Variants in WIPI2 observed in about 807,000 individuals in gnomAD.
The protein encoded by WIPI2 is WD repeat domain phosphoinositide-interacting protein 2.
In WIPI2, 28 loss-of-function variants were observed where a neutral mutation model predicts 52.3. The observed-to-expected ratio is 0.54, with a 90% CI of 0.40 to 0.73. The LOEUF is 0.73. Ranked by LOEUF, WIPI2 falls within the 30% of genes least tolerant of loss-of-function variation. The probability of loss-of-function intolerance (pLI) is 0.00; values close to 1 mark genes in which losing one functional copy is unlikely to be tolerated. For synonymous variants in WIPI2, 268 were observed against 245.0 expected, an observed-to-expected ratio of 1.09 and a Z score of -0.88; for missense variants, 506 against 602.9, an observed-to-expected ratio of 0.84 and a Z score of 1.68.
In WIPI2 at chr7:5,199,673, T is replaced by C; in HGVS notation, c.211+15T>C. On this transcript the variant is annotated intron_variant, in intron 3 of 12. Coordinates refer to ENST00000288828, the MANE Select transcript of WIPI2 (RefSeq NM_015610.4). Reference sequence around the variant, plus strand: ...CTATGAATGCAGTAAGTGTTTGCTTTATTTTTCCCCTTCTTAAAAAAAAAA... The same window carrying C: ...CTATGAATGCAGTAAGTGTTTGCTTCATTTTTCCCCTTCTTAAAAAAAAAA... 1 of 1,569,854 alleles carries C rather than the reference T, an allele frequency of 6.4e-7. No individual in the cohort carries two copies. The highest frequency in any genetic ancestry group is 8.6e-7 in the Non-Finnish European group (1 of 1,166,600).
At chr7:5,228,278 G>T in intron 11 of WIPI2, 67 bp downstream of exon 11, 1 of 1,407,904 alleles carries the variant, frequency 7.1e-7, no homozygotes, top group East Asian at 2.5e-5. Context: ...GGCACCTGGC[G>T]AACGTTTGTT....
At chr7:5,217,842 C>T (rs1782898832) in intron 6 of WIPI2, 80 bp from the exon 7 acceptor site, 1 of 1,376,628 alleles carries the variant, frequency 7.3e-7, no homozygotes, top group African/African-American at 1.4e-5. Flanking sequence ...AGCTAATTGG[C>T]ACTTGCGGAC....
intron 3 of WIPI2, 149 bp from the exon 4 acceptor site, chr7:5,214,386 C>A: frequency 5.0e-6 from 8 of 1,605,140 alleles, no homozygotes; most frequent in Non-Finnish European, 6.8e-6. Flanking sequence ...CCCGGGCTGT[C>A]CCCACCCCAT....
intron 3 of WIPI2, among the ~76,000 whole-genome samples, chr7:5,211,037 C>T (rs1033053384): frequency 2.6e-5 from 4 of 152,312 alleles, no homozygotes; most frequent in Middle Eastern, 3.4e-3. Context: ...AAATCAACAA[C>T]AAGCACAAAA....
At position 5,190,366 on chromosome 7, in the gene WIPI2, C is replaced by G. The variant is rs977828795; in HGVS notation, c.-54C>G. 4 of 1,277,932 alleles carry G rather than the reference C, an allele frequency of 3.1e-6. No homozygotes were observed. Among genetic ancestry groups the G allele is most frequent in the African/African-American group, 1.6e-5 (1 of 63,370 alleles). The allele number at this position is 1,277,932 out of a possible 1,614,324, so 79.2% of individuals were successfully genotyped here. On this transcript the variant is annotated 5_prime_UTR_variant, in exon 1 of 13. Transcript: ENST00000288828. ...GCGCCGACCCTGAGTGCAGCCTGACCCGCCCTCGCGCGCGCGCCCTCCCCG... is the reference window on the plus strand; with the variant it reads ...GCGCCGACCCTGAGTGCAGCCTGACGCGCCCTCGCGCGCGCGCCCTCCCCG...
intron 3 of WIPI2, among the ~76,000 whole-genome samples, chr7:5,202,852 A>G (rs1379500594): frequency 6.6e-6 from 1 of 152,196 alleles, no homozygotes; most frequent in African/African-American, 2.4e-5. Flanking sequence ...AGTATCCTAC[A>G]CTGTTAGGCA....
At chr7:5,201,686 C>T (rs1232244075) in intron 3 of WIPI2, among the ~76,000 whole-genome samples, 10 of 152,208 alleles carry the variant, frequency 6.6e-5, no homozygotes, top group Non-Finnish European at 1.5e-5. Context: ...GCAGAGGTTG[C>T]AGTGAGCCAA....
Position 5,193,123 on chromosome 7 carries a change from T to C in WIPI2, c.80T>C (p.Val27Ala), listed in dbSNP as rs1781557631. Residue 27 changes from valine (V) to alanine (A), a missense_variant, in exon 2 of 13, where the codon GTG becomes GCG. Coordinates refer to ENST00000288828, the MANE Select transcript of WIPI2 (RefSeq NM_015610.4). Reference protein sequence around the residue: ...FANFNQDNTEVKGASRAAGLG... With the variant: ...FANFNQDNTEAKGASRAAGLG... ...TGTTTTGTTTTTTTACCTAGAGAAG[T>C]GAAAGGGGCATCAAGAGCAGCTGGT... The C allele has an allele frequency of 6.2e-7, 1 of 1,613,916 alleles. No homozygotes were observed. Among genetic ancestry groups the C allele is most frequent in the South Asian group, 1.1e-5 (1 of 91,084 alleles).
chr7:5,196,505 T>C (rs1781748834), intron 2 of WIPI2, among the ~76,000 whole-genome samples: 2 of 152,198 alleles, frequency 1.3e-5, no homozygotes, highest in South Asian at 2.1e-4. Context: ...AGCTGAGGTA[T>C]TTAATATCCT....
chr7:5,216,601 C>G lies in WIPI2; in HGVS notation c.420C>G (p.His140Gln). ...GCCTGGAGGAGTCCCTGTACATCCA[C>G]AACATTCGGGACATGAAGGTGCTGC... Reference protein sequence around the residue: ...IVCLEESLYIHNIRDMKVLHT... With the variant: ...IVCLEESLYIQNIRDMKVLHT... The change falls in exon 5 of 13, where the codon CAC becomes CAG. Residue 140 changes from histidine to glutamine, a missense_variant. This residue lies in a region of WIPI2 where 237 missense variants were observed against 346.9 expected (regional missense o/e 0.68). Coordinates refer to ENST00000288828, the MANE Select transcript of WIPI2 (RefSeq NM_015610.4). 6.2e-7 allele frequency: 1 copy of G among 1,614,174 alleles called. No homozygotes were observed.
At chr7:5,213,194 C>T (rs904412964) in intron 3 of WIPI2, 2 of 152,294 alleles carry the variant, frequency 1.3e-5, no homozygotes, top group African/African-American at 2.4e-5. Flanking sequence ...GCCCCCCGAC[C>T]CTGCCACCAT....
chr7:5,206,714 A>G (rs1329445986), intron 3 of WIPI2, among the ~76,000 whole-genome samples: 3 of 152,140 alleles, frequency 2.0e-5, no homozygotes, highest in Admixed American at 6.6e-5. Context: ...TTCCCTTGAC[A>G]TTTTACTATA....
chr7:5,223,315 C>G (rs974860548), intron 8 of WIPI2, among the ~76,000 whole-genome samples: 1 of 152,198 alleles, frequency 6.6e-6, no homozygotes, highest in Admixed American at 6.5e-5. Context: ...GACCCCACCT[C>G]AGGTCTGTGG....
chr7:5,220,214 T>C (rs1342467501), intron 7 of WIPI2, among the ~76,000 whole-genome samples: 1 of 151,534 alleles, frequency 6.6e-6, no homozygotes, highest in African/African-American at 2.4e-5. Flanking sequence ...TCCTTGGTGT[T>C]CTACACTTAG....
At chr7:5,223,105 T>G (rs1006983468) in intron 8 of WIPI2, among the ~76,000 whole-genome samples, 2 of 152,214 alleles carry the variant, frequency 1.3e-5, no homozygotes, top group Admixed American at 6.5e-5. Flanking sequence ...AGCCGCAGCC[T>G]GGAGTTCTCT....
intron 2 of WIPI2, among the ~76,000 whole-genome samples, chr7:5,195,113 A>T (rs1227938335): frequency 6.6e-6 from 1 of 152,170 alleles, no homozygotes; most frequent in East Asian, 1.9e-4. Flanking sequence ...GAAGGTGGGG[A>T]TACTGGCAAA....
chr7:5,202,124 A>C (rs1051361206), intron 3 of WIPI2, among the ~76,000 whole-genome samples: 3 of 152,156 alleles, frequency 2.0e-5, no homozygotes, highest in African/African-American at 7.2e-5. Context: ...ACTTTTAACA[A>C]TCCATCATAA....
At chr7:5,222,465 G>A (rs1453715315) in intron 7 of WIPI2, 137 bp from the exon 8 acceptor site, 1 of 839,120 alleles carries the variant, frequency 1.2e-6, no homozygotes, top group Non-Finnish European at 2.0e-6. Flanking sequence ...GGCCCTGGGG[G>A]ACCCCAGACT....
intron 3 of WIPI2, among the ~76,000 whole-genome samples, chr7:5,202,235 G>A (rs10270555): frequency 0.032 from 4,834 of 152,204 alleles, 193 homozygotes; most frequent in African/African-American, 0.095. Flanking sequence ...TTGTTCTTTT[G>A]TTTACTTAGA....
Sources: allele counts gnomAD v4.1 joint callset (sites outside exome capture counted in the v4.1 genomes callset), GRCh38; gene constraint gnomAD v4.1.1; regional missense constraint gnomAD v4.1.1; transcripts MANE v1.5; gene names NCBI Gene and HGNC (gene_info 2026-07-23, HGNC 2026-07-21).